FMN1: variants seen among roughly 807,000 people sequenced by gnomAD.
FMN1 encodes formin-1.
Under a neutral mutation model 132.4 loss-of-function variants are expected in FMN1, and 110 were observed. The ratio of observed to expected loss-of-function variants is 0.83; its 90% CI spans 0.71 to 0.97. FMN1 has a LOEUF of 0.97. FMN1 is among the 50% of genes least tolerant of loss of function. The pLI, the probability that FMN1 is intolerant of heterozygous loss-of-function variation, is 0.00. For synonymous variants in FMN1, 722 were observed against 651.7 expected (o/e 1.11, Z -1.64); for missense variants, 1,792 against 1,705.3 (o/e 1.05, Z -0.90).
chr15:32,948,840 T>C (rs1263390784), intron 9 of FMN1, among the ~76,000 whole-genome samples: 1 of 152,090 alleles, frequency 6.6e-6, no homozygotes, highest in East Asian at 1.9e-4. Flanking sequence ...AAAAATTCCA[T>C]TCTCATCTTT....
At chr15:33,006,985 C>A (rs2034451123) in intron 7 of FMN1, among the ~76,000 whole-genome samples, 1 of 152,044 alleles carries the variant, frequency 6.6e-6, no homozygotes, top group African/African-American at 2.4e-5. Context: ...ATCTTCTGTA[C>A]AACATGGTGA....
intron 4 of FMN1, among the ~76,000 whole-genome samples, chr15:33,109,375 A>C (rs539716790): frequency 6.6e-6 from 1 of 152,100 alleles, no homozygotes; most frequent in African/African-American, 2.4e-5. Flanking sequence ...AGTAATAGCT[A>C]AAAGAATTGC....
At chr15:32,994,365 CT>C (rs754890061) in intron 7 of FMN1, among the ~76,000 whole-genome samples, 2 of 152,070 alleles carry the variant, frequency 1.3e-5, no homozygotes, top group Non-Finnish European at 2.9e-5. Flanking sequence ...CACCTCTCTC[CT>C]GTTTTTCCTG....
chr15:32,892,245 G>T (rs975415145), intron 15 of FMN1, among the ~76,000 whole-genome samples: 3 of 152,110 alleles, frequency 2.0e-5, no homozygotes, highest in Admixed American at 2.0e-4. Context: ...TGCAAATTTT[G>T]CTGAGAGTTT....
At chr15:33,018,837 G>A (rs182468928) in intron 6 of FMN1, among the ~76,000 whole-genome samples, 1 of 152,140 alleles carries the variant, frequency 6.6e-6, no homozygotes. Flanking sequence ...CTTCGCGGTT[G>A]AGTGTTACAG....
At chr15:32,891,524 G>A (rs566653341) in intron 15 of FMN1, among the ~76,000 whole-genome samples, 2 of 152,318 alleles carry the variant, frequency 1.3e-5, no homozygotes, top group Admixed American at 6.5e-5. Flanking sequence ...GTGAGCCACC[G>A]TGTCCAGCCT....
At chr15:33,013,247 T>C (rs1007217039) in intron 6 of FMN1, among the ~76,000 whole-genome samples, 9 of 152,222 alleles carry the variant, frequency 5.9e-5, no homozygotes, top group Admixed American at 2.6e-4. Flanking sequence ...TTAAGGACCA[T>C]ATTTGTGATT....
chr15:33,115,245 C>T (rs866016632), intron 4 of FMN1, among the ~76,000 whole-genome samples: 1 of 152,084 alleles, frequency 6.6e-6, no homozygotes, highest in African/African-American at 2.4e-5. Flanking sequence ...CTAAGGCTGT[C>T]CTATAAGGAG....
At chr15:33,128,144 G>A (rs556189579) in intron 4 of FMN1, among the ~76,000 whole-genome samples, 3 of 151,722 alleles carry the variant, frequency 2.0e-5, no homozygotes, top group South Asian at 2.1e-4. Flanking sequence ...GCAGTAGAGA[G>A]TGTAACAGAA....
chr15:32,878,310 C>G (rs904768332), intron 16 of FMN1, among the ~76,000 whole-genome samples: 1 of 152,102 alleles, frequency 6.6e-6, no homozygotes, highest in Non-Finnish European at 1.5e-5. Flanking sequence ...TCAGTTTGTA[C>G]GGCATGAGTA....
chr15:33,120,721 G>C (rs184237232), intron 4 of FMN1, among the ~76,000 whole-genome samples: 2 of 151,924 alleles, frequency 1.3e-5, no homozygotes, highest in Non-Finnish European at 2.9e-5. Context: ...CCATTTTACA[G>C]ACATATATAT....
intron 10 of FMN1, among the ~76,000 whole-genome samples, chr15:32,925,322 AACTAAATATTAT>A (rs968338227): frequency 1.3e-5 from 2 of 152,254 alleles, no homozygotes; most frequent in Non-Finnish European, 2.9e-5. Context: ...CATCACAGAT[AACTAAATATTAT>A]GCACTTCTTG....
chr15:33,183,682 A>C (rs752290497), intron 2 of FMN1, among the ~76,000 whole-genome samples: 1 of 152,214 alleles, frequency 6.6e-6, no homozygotes, highest in African/African-American at 2.4e-5. Flanking sequence ...AAAGTACAAA[A>C]ATAGCATACC....
At position 33,125,887 on chromosome 15, in the gene FMN1, GGCTATA is replaced by G. The variant is rs200545200; in HGVS notation, c.1867+27155_1867+27160del. Among the ~76,000 whole-genome samples the G allele has an allele frequency of 1.8e-3, 277 of 152,216 alleles. 1 individual carries two copies. The highest frequency in any genetic ancestry group is 0.016 in the Admixed American group (239 of 15,296). On this transcript the variant is annotated intron_variant, in intron 4 of 20. Transcript: ENST00000616417. Reference sequence around the variant, plus strand: ...TTTAACTTCTCAAGCATGACTGATTGGCTATAGCCTATTGAAAAGTGCCAAATTTCT... The same window carrying G: ...TTTAACTTCTCAAGCATGACTGATTGGCCTATTGAAAAGTGCCAAATTTCT...
chr15:32,909,153 A>G (rs2060498616), intron 11 of FMN1, among the ~76,000 whole-genome samples: 1 of 152,220 alleles, frequency 6.6e-6, no homozygotes, highest in African/African-American at 2.4e-5. Flanking sequence ...AGCGGCAACC[A>G]TGTGCTTAGT....
chr15:33,163,553 C>CA (rs1237440480), intron 3 of FMN1, among the ~76,000 whole-genome samples: 2 of 151,948 alleles, frequency 1.3e-5, no homozygotes, highest in Admixed American at 6.6e-5. Flanking sequence ...CTCGGCCTCC[C>CA]AAAGTGCTGG....
rs368259223 is a variant in FMN1 at position 32,948,005 on chromosome 15, C to T, written c.3138+16102G>A. ...GGATGTAGAAATGTGTATCATATTC[C>T]TATTTCGTACTGATCTCAAAAAGAA... On this transcript the variant is annotated intron_variant, in intron 9 of 20. Coordinates refer to ENST00000616417, the MANE Select transcript of FMN1 (RefSeq NM_001277313.2). Among the ~76,000 whole-genome samples, 14 of 151,980 alleles carry T rather than the reference C, an allele frequency of 9.2e-5. No individual in the cohort carries two copies. In the East Asian group the frequency reaches 1.2e-3, roughly 13 times the overall value.
chr15:33,008,740 ATTCTGCTGGCGAAG>A (rs1211422991), intron 6 of FMN1, among the ~76,000 whole-genome samples: 2 of 152,212 alleles, frequency 1.3e-5, no homozygotes, highest in Non-Finnish European at 2.9e-5. Flanking sequence ...TAAAACTATC[ATTCTGCTGGCGAAG>A]CATGCAGCTG....
At chr15:33,006,353 C>G (rs343924) in intron 7 of FMN1, among the ~76,000 whole-genome samples, 96,932 of 151,932 alleles carry the variant, frequency 0.64, 34,175 homozygotes, top group East Asian at 0.88. Context: ...TATCACTTCA[C>G]AACTGTTAGA....
Sources: allele counts gnomAD v4.1 joint callset (sites outside exome capture counted in the v4.1 genomes callset), GRCh38; gene constraint gnomAD v4.1.1; transcripts MANE v1.5; gene names NCBI Gene and HGNC (gene_info 2026-07-23, HGNC 2026-07-21).